The following NIN variants were observed in gnomAD, a reference collection of about 807,000 sequenced individuals.
NIN encodes the protein ninein.
In NIN, 137 loss-of-function variants were observed where a neutral mutation model predicts 257.6. The ratio of observed to expected loss-of-function variants is 0.53; its 90% CI spans 0.46 to 0.61. The LOEUF is 0.61. NIN is among the 20% of genes least tolerant of loss of function. NIN has a pLI of 0.00. For synonymous variants in NIN, 918 were observed against 919.8 expected (o/e 1.00, Z 0.04); for missense variants, 2,439 against 2,501.2 (o/e 0.98, Z 0.53).
At chr14:50,825,652 T>C (rs548394019) in intron 2 of NIN, among the ~76,000 whole-genome samples, 49 of 152,344 alleles carry the variant, frequency 3.2e-4, no homozygotes, top group African/African-American at 1.0e-3. Context: ...TGCACTCTAG[T>C]GTGACACTGA....
intron 5 of NIN, among the ~76,000 whole-genome samples, chr14:50,787,455 C>A (rs1223415332): frequency 6.6e-6 from 1 of 152,220 alleles, no homozygotes; most frequent in Non-Finnish European, 1.5e-5. Context: ...ACTCTTCTTA[C>A]TCTCACTTGT....
Position 50,747,750 on chromosome 14 carries a change from A to G in NIN, c.5064+242T>C, listed in dbSNP as rs200715222. Among the ~76,000 whole-genome samples the G allele has an allele frequency of 7.1e-3, 1,030 of 145,270 alleles. 5 individuals are homozygous for G. Among genetic ancestry groups the G allele is most frequent in the Non-Finnish European group, 8.8e-3 (592 of 67,354 alleles). On this transcript the variant is annotated intron_variant, in intron 22 of 30. Transcript: ENST00000530997. ...AAGGAAACTGTCTTAAAAAAAAAAA[A>G]GGGGGGGATTTTAGAGTGTACAACA...
At chr14:50,810,210 G>A (rs141528718) in intron 3 of NIN, among the ~76,000 whole-genome samples, 7 of 139,804 alleles carry the variant, frequency 5.0e-5, no homozygotes, top group Admixed American at 1.5e-4. Flanking sequence ...CAGCCTGGGC[G>A]ACAGAGTGAG....
At chr14:50,773,814 AG>A (rs2042820588) in intron 7 of NIN, among the ~76,000 whole-genome samples, 1 of 152,160 alleles carries the variant, frequency 6.6e-6, no homozygotes, top group Admixed American at 6.5e-5. Flanking sequence ...ATCCTGTAAT[AG>A]GGAAGGGGAG....
At chr14:50,744,817 C>T (rs2041461127) in intron 22 of NIN, among the ~76,000 whole-genome samples, 1 of 152,082 alleles carries the variant, frequency 6.6e-6, no homozygotes. Context: ...GCCTGTAATC[C>T]TGGCTACTCA....
chr14:50,821,149 AT>A (rs2045197051), intron 3 of NIN, among the ~76,000 whole-genome samples: 1 of 152,248 alleles, frequency 6.6e-6, no homozygotes, highest in South Asian at 2.1e-4. Context: ...TTAATTATAA[AT>A]AAGGCAAATA....
chr14:50,757,777 C>T lies in NIN; in HGVS notation c.3253G>A (p.Ala1085Thr), dbSNP rs2042099216. Residue 1085 changes from alanine to threonine, a missense_variant, in exon 18 of 31, where the codon GCT becomes ACT. Around this residue, in one of 3 missense-constraint regions of NIN, gnomAD observed 2,043 missense variants for 2,050.2 expected, o/e 1.00. Transcript: ENST00000530997. ...TGTTGCAATCTAGAAATTTCAGTAG[C>T]CATTTTCACATTTTCCTTCACTGCC... ...EQAVKENVKM[A>T]TEISRLQQRL... 6.2e-7 allele frequency: 1 copy of T among 1,614,160 alleles called. No homozygotes were observed. The highest frequency in any genetic ancestry group is 8.5e-7 in the Non-Finnish European group (1 of 1,180,028).
At chr14:50,728,338 TA>T (rs1398835999) in intron 29 of NIN, among the ~76,000 whole-genome samples, 5 of 152,164 alleles carry the variant, frequency 3.3e-5, no homozygotes, top group African/African-American at 1.2e-4. Flanking sequence ...GAGGTATGTA[TA>T]AAGCTTCCAA....
At chr14:50,763,743 C>A in intron 15 of NIN, 83 bp downstream of exon 15, 2 of 1,213,108 alleles carry the variant, frequency 1.6e-6, no homozygotes, top group South Asian at 1.7e-5. Context: ...TTCAAGTTGC[C>A]AAAGCTTTGC....
In NIN at chr14:50,720,814, G is replaced by A. The variant is rs749822701; in HGVS notation, c.*2649C>T. On this transcript the variant is annotated 3_prime_UTR_variant, in exon 31 of 31. Transcript: ENST00000530997. Reference sequence around the variant, plus strand: ...CACATTTTCCTTTTCTTAGTGTAACGTATTATCTCAAAGGCAAACTTGATT... The same window carrying A: ...CACATTTTCCTTTTCTTAGTGTAACATATTATCTCAAAGGCAAACTTGATT... The A allele has an allele frequency of 4.5e-5, 9 of 201,082 alleles. No homozygotes were observed. The highest frequency in any genetic ancestry group is 9.2e-5 in the African/African-American group (4 of 43,568). 12.5% of individuals were successfully genotyped at this position (201,082 alleles called of 1,614,324 possible).
rs1210706849 is a variant in NIN at position 50,758,868 on chromosome 14, A to C, written c.2400-238T>G. On this transcript the variant is annotated intron_variant, in intron 17 of 30. Coordinates refer to ENST00000530997, the MANE Select transcript of NIN (RefSeq NM_020921.4). ...TTACCTCTCTCTGGAGTTAGGGGGA[A>C]ATCTTAGAAACTAATTTCTCTGGCA... Among the ~76,000 whole-genome samples, 3 of 152,202 alleles carry C rather than the reference A, an allele frequency of 2.0e-5. No homozygotes were observed. In the East Asian group the frequency reaches 5.8e-4, roughly 29 times the overall value.
chr14:50,788,742 T>A (rs1425912990), intron 5 of NIN, among the ~76,000 whole-genome samples: 1 of 152,188 alleles, frequency 6.6e-6, no homozygotes, highest in African/African-American at 2.4e-5. Context: ...CCAGCCCCCT[T>A]GGGGACAGTT....
At chr14:50,771,556 G>A (rs1264179603) in intron 9 of NIN, 88 bp from the exon 10 acceptor site, 6 of 1,391,820 alleles carry the variant, frequency 4.3e-6, no homozygotes, top group African/African-American at 1.4e-5. Context: ...TACAAACTCT[G>A]AGAGCTGACA....
chr14:50,775,844 A>G (rs1289997107), intron 7 of NIN, among the ~76,000 whole-genome samples: 1 of 152,194 alleles, frequency 6.6e-6, no homozygotes, highest in African/African-American at 2.4e-5. Context: ...TAATTTTATG[A>G]CTTAATAGTC....
chr14:50,736,604 C>A (rs1001494211), intron 27 of NIN, among the ~76,000 whole-genome samples: 3 of 152,182 alleles, frequency 2.0e-5, no homozygotes, highest in Non-Finnish European at 4.4e-5. Context: ...GTGTAGTCTT[C>A]CAGGTCCATT....
At chr14:50,764,668 T>C (rs1261526261) in intron 14 of NIN, among the ~76,000 whole-genome samples, 3 of 152,066 alleles carry the variant, frequency 2.0e-5, no homozygotes, top group African/African-American at 4.8e-5. Flanking sequence ...CGCTACAACA[T>C]GGATGAACTT....
intron 7 of NIN, 95 bp downstream of exon 7, chr14:50,776,854 C>G (rs1294685241): frequency 3.7e-6 from 4 of 1,095,106 alleles, no homozygotes; most frequent in Non-Finnish European, 5.2e-6. Flanking sequence ...TGGAGCCTAA[C>G]AAGCTGCAGA....
chr14:50,741,483 T>C lies in NIN; in HGVS notation c.5448+99A>G, dbSNP rs367776138. ...CAGATACATAAAATATGCATATTTATATGTACATACATATACACATAAAAA... is the reference window on the plus strand; with the variant it reads ...CAGATACATAAAATATGCATATTTACATGTACATACATATACACATAAAAA... On this transcript the variant is annotated intron_variant, in intron 25 of 30. Coordinates refer to ENST00000530997, the MANE Select transcript of NIN (RefSeq NM_020921.4). 7.7e-6 allele frequency: 7 copies of C among 904,756 alleles called. No individual in the cohort carries two copies. In the South Asian group the frequency reaches 8.6e-5, roughly 11 times the overall value. 56.0% of individuals were successfully genotyped at this position (904,756 alleles called of 1,614,324 possible).
At chr14:50,744,849 G>A (rs1233854907) in intron 22 of NIN, among the ~76,000 whole-genome samples, 4 of 152,060 alleles carry the variant, frequency 2.6e-5, no homozygotes, top group African/African-American at 9.7e-5. Flanking sequence ...CAGGAGAATC[G>A]CTTGAACCTG....
Sources: gnomAD v4.1 joint callset for allele counts (sites outside exome capture counted in the v4.1 genomes callset) on GRCh38, gnomAD v4.1.1 for gene constraint, gnomAD v4.1.1 regional missense constraint, MANE v1.5 for transcripts, NCBI Gene and HGNC (gene_info 2026-07-23, HGNC 2026-07-21) for gene names.